LRRFIP1: variants seen among roughly 807,000 people sequenced by gnomAD.
LRRFIP1 encodes LRR binding FLII interacting protein 1, also known as leucine-rich repeat flightless-interacting protein 1.
A neutral mutation model predicts 104.4 loss-of-function variants in LRRFIP1; 62 were observed. The ratio of observed to expected loss-of-function variants is 0.59; its 90% CI spans 0.48 to 0.73. The LOEUF is 0.73. Among genes scored for constraint, LRRFIP1 ranks in the 30% least tolerant of loss-of-function variants. The probability of loss-of-function intolerance (pLI) is 0.00; values close to 1 mark genes in which losing one functional copy is unlikely to be tolerated. For missense variants in LRRFIP1, 796 were observed against 824.5 expected, an observed-to-expected ratio of 0.97 and a Z score of 0.42; for synonymous variants, 300 against 299.0, an observed-to-expected ratio of 1.00 and a Z score of -0.03.
chr2:237,684,954 G>A (rs1267707156), intron 1 of LRRFIP1, among the ~76,000 whole-genome samples: 1 of 152,004 alleles, frequency 6.6e-6, no homozygotes, highest in Non-Finnish European at 1.5e-5. Flanking sequence ...AGGCGTGGTG[G>A]TGCACACCTG....
intron 1 of LRRFIP1, among the ~76,000 whole-genome samples, chr2:237,675,723 GA>G (rs1261576174): frequency 1.3e-5 from 2 of 152,104 alleles, no homozygotes; most frequent in Non-Finnish European, 2.9e-5. Context: ...GAAAAGTAAA[GA>G]AAAAAATATC....
intron 2 of LRRFIP1, among the ~76,000 whole-genome samples, chr2:237,712,539 G>A (rs2094144996): frequency 6.6e-6 from 1 of 152,244 alleles, no homozygotes; most frequent in African/African-American, 2.4e-5. Flanking sequence ...AATACAGAAT[G>A]AGTAGCTTTC....
At chr2:237,700,385 A>T (rs1174011300) in intron 1 of LRRFIP1, among the ~76,000 whole-genome samples, 2 of 152,102 alleles carry the variant, frequency 1.3e-5, no homozygotes, top group East Asian at 3.9e-4. Flanking sequence ...CGGCTGCATC[A>T]TATTCCTGTC....
chr2:237,771,973 C>G (rs1015277403), intron 20 of LRRFIP1, 108 bp from the exon 21 acceptor site: 9 of 696,674 alleles, frequency 1.3e-5, no homozygotes, highest in Admixed American at 2.3e-5. Flanking sequence ...ACACAAAGTG[C>G]CTTCTGTCAT....
intron 1 of LRRFIP1, among the ~76,000 whole-genome samples, chr2:237,678,854 T>C (rs1368505748): frequency 6.6e-6 from 1 of 152,206 alleles, no homozygotes; most frequent in East Asian, 1.9e-4. Flanking sequence ...AACACCTTCA[T>C]TGCACTTACA....
At chr2:237,636,394 ATTC>A (rs59651862) in intron 1 of LRRFIP1, among the ~76,000 whole-genome samples, 3,147 of 143,030 alleles carry the variant, frequency 0.022, 129 homozygotes, top group African/African-American at 0.077. Context: ...TTCAAGGAAG[ATTC>A]TTCAACTTTA....
chr2:237,656,999 A>G (rs1272221628), intron 1 of LRRFIP1, among the ~76,000 whole-genome samples: 1 of 152,226 alleles, frequency 6.6e-6, no homozygotes, highest in African/African-American at 2.4e-5. Flanking sequence ...ATCTTCATCA[A>G]AGTAAACTTA....
chr2:237,700,033 G>T lies in LRRFIP1; in HGVS notation c.97-8511G>T, dbSNP rs2093428655. ...TGGGGTGGTGGGTACACGGAACCGA[G>T]GTGAGCCTCCCTTGCGTTGCGGAGG... On this transcript the variant is annotated intron_variant, in intron 1 of 23. Transcript: ENST00000308482. 2.0e-5 allele frequency among the ~76,000 whole-genome samples: 3 copies of T among 152,208 alleles called. No individual in the cohort carries two copies. In the South Asian group the frequency reaches 6.2e-4, roughly 32 times the overall value.
chr2:237,654,577 A>G (rs2086479535), intron 1 of LRRFIP1, among the ~76,000 whole-genome samples: 1 of 151,800 alleles, frequency 6.6e-6, no homozygotes, highest in African/African-American at 2.4e-5. Context: ...TTGAGACAGA[A>G]TCTCACTCTG....
At chr2:237,762,574 T>C (rs372382219) in intron 19 of LRRFIP1, 347 of 1,542,926 alleles carry the variant, frequency 2.2e-4, no homozygotes, top group Middle Eastern at 3.5e-4. Context: ...CATCATGGGG[T>C]CCCTTCAATT....
intron 1 of LRRFIP1, among the ~76,000 whole-genome samples, chr2:237,629,467 C>CTTTTT (rs745503726): frequency 2.6e-5 from 3 of 117,372 alleles, no homozygotes; most frequent in Non-Finnish European, 5.1e-5. Flanking sequence ...TTTCTTTCTT[C>CTTTTT]TTTTTTTTTT....
At chr2:237,685,796 A>G (rs1366617564) in intron 1 of LRRFIP1, among the ~76,000 whole-genome samples, 1 of 151,966 alleles carries the variant, frequency 6.6e-6, no homozygotes, top group Non-Finnish European at 1.5e-5. Flanking sequence ...AAACCGACAA[A>G]CCATGAATAA....
rs190918805 is a variant in LRRFIP1 at position 237,765,884 on chromosome 2, A to T, written c.1460-4059A>T. ...ATTTGAGGAAAACGTGTTATTATGT[A>T]ATTGAAATAAAAACATTTTATAATT... On this transcript the variant is annotated intron_variant, in intron 19 of 23. Transcript: ENST00000308482. The T allele has an allele frequency of 1.9e-5, 19 of 984,588 alleles. No individual in the cohort carries two copies. The Admixed American group carries it at 1.0e-3, about 54-fold the overall frequency. 61.0% of individuals were successfully genotyped at this position (984,588 alleles called of 1,614,324 possible).
chr2:237,687,087 C>T (rs1227505935), intron 1 of LRRFIP1, among the ~76,000 whole-genome samples: 1 of 152,234 alleles, frequency 6.6e-6, no homozygotes, highest in African/African-American at 2.4e-5. Flanking sequence ...CGTCAGGCGG[C>T]GTGCCGCTGG....
intron 1 of LRRFIP1, among the ~76,000 whole-genome samples, chr2:237,681,509 G>A (rs2091814764): frequency 1.3e-5 from 2 of 151,596 alleles, no homozygotes; most frequent in African/African-American, 4.9e-5. Flanking sequence ...TGGCATTACA[G>A]GCCCATGCTA....
At chr2:237,660,068 G>T (rs752740047) in intron 1 of LRRFIP1, among the ~76,000 whole-genome samples, 3 of 152,118 alleles carry the variant, frequency 2.0e-5, no homozygotes, top group Non-Finnish European at 4.4e-5. Context: ...CCAATGTTAA[G>T]GTCAAAAGGC....
intron 1 of LRRFIP1, among the ~76,000 whole-genome samples, chr2:237,667,860 TCC>T (rs2089697610): frequency 6.6e-6 from 1 of 152,078 alleles, no homozygotes; most frequent in African/African-American, 2.4e-5. Flanking sequence ...TCACTCAGGC[TCC>T]GTCAGCCTCT....
chr2:237,726,410 C>T (rs2094752164), intron 7 of LRRFIP1, among the ~76,000 whole-genome samples: 1 of 152,084 alleles, frequency 6.6e-6, no homozygotes, highest in Non-Finnish European at 1.5e-5. Flanking sequence ...AGCACCCGTC[C>T]CCCGGATAAG....
intron 1 of LRRFIP1, among the ~76,000 whole-genome samples, chr2:237,707,095 A>T (rs897946325): frequency 1.3e-5 from 2 of 152,158 alleles, no homozygotes; most frequent in East Asian, 1.9e-4. Flanking sequence ...CCTCATGAGG[A>T]CACAACCAGG....
Sources: allele counts gnomAD v4.1 joint callset (sites outside exome capture counted in the v4.1 genomes callset), GRCh38; gene constraint gnomAD v4.1.1; transcripts MANE v1.5; gene names NCBI Gene and HGNC (gene_info 2026-07-23, HGNC 2026-07-21).